SAMTOR: variants seen among roughly 807,000 people sequenced by gnomAD.
The protein encoded by SAMTOR is S-adenosylmethionine sensor upstream of mTORC1.
chr7:112,852,966 G>A, the SAMTOR span, among the ~76,000 whole-genome samples: 1 of 151,660 alleles, frequency 6.6e-6, no homozygotes, highest in Admixed American at 6.6e-5. Flanking sequence ...AAAGGACAAC[G>A]AACTAAAATG....
the SAMTOR span, among the ~76,000 whole-genome samples, chr7:112,913,659 G>C: frequency 1.3e-5 from 2 of 152,098 alleles, no homozygotes; most frequent in Non-Finnish European, 2.9e-5. Context: ...ACAAAATCTA[G>C]CTGTTCATTG....
At chr7:112,824,707 C>A in the SAMTOR span, among the ~76,000 whole-genome samples, 1 of 151,958 alleles carries the variant, frequency 6.6e-6, no homozygotes, top group Non-Finnish European at 1.5e-5. Context: ...GAAGTTTCTT[C>A]TTTTGTATAT....
At chr7:112,922,255 G>C in the SAMTOR span, among the ~76,000 whole-genome samples, 1 of 152,224 alleles carries the variant, frequency 6.6e-6, no homozygotes, top group Non-Finnish European at 1.5e-5. Flanking sequence ...CATTCACTCA[G>C]TGCTCAATGG....
the SAMTOR span, among the ~76,000 whole-genome samples, chr7:112,923,845 A>G: frequency 6.6e-6 from 1 of 152,190 alleles, no homozygotes; most frequent in Non-Finnish European, 1.5e-5. Context: ...CATATACACC[A>G]TGGAATACTA....
the SAMTOR span, among the ~76,000 whole-genome samples, chr7:112,842,596 T>C: frequency 6.6e-6 from 1 of 152,018 alleles, no homozygotes; most frequent in Admixed American, 6.6e-5. Context: ...AGTTTAACTT[T>C]TAAAGTAAAA....
the SAMTOR span, among the ~76,000 whole-genome samples, chr7:112,899,286 A>C: frequency 6.6e-6 from 1 of 152,132 alleles, no homozygotes; most frequent in African/African-American, 2.4e-5. Context: ...TGAAATATTC[A>C]ATTAATGAAC....
the SAMTOR span, among the ~76,000 whole-genome samples, chr7:112,902,416 C>CAAAAA: frequency 9.8e-3 from 120 of 12,228 alleles, 24 homozygotes; most frequent in South Asian, 0.028. Flanking sequence ...AACTCCGTCT[C>CAAAAA]AAAAAAAAAA....
the SAMTOR span, among the ~76,000 whole-genome samples, chr7:112,927,574 CT>C: frequency 2.0e-5 from 3 of 151,794 alleles, no homozygotes; most frequent in Non-Finnish European, 4.4e-5. Context: ...ATACATGTGT[CT>C]TAAAGTAAAA....
At chr7:112,864,766 CTTTT>C in the SAMTOR span, among the ~76,000 whole-genome samples, 1 of 152,082 alleles carries the variant, frequency 6.6e-6, no homozygotes, top group African/African-American at 2.4e-5. Context: ...ATATATTTTT[CTTTT>C]TTGAGACAGG....
the SAMTOR span, among the ~76,000 whole-genome samples, chr7:112,836,731 T>C: frequency 1.3e-5 from 2 of 152,114 alleles, no homozygotes; most frequent in Non-Finnish European, 2.9e-5. Context: ...ATTGCTTTTG[T>C]CAACTTTATC....
At chr7:112,923,419 T>C in the SAMTOR span, among the ~76,000 whole-genome samples, 6 of 152,068 alleles carry the variant, frequency 3.9e-5, no homozygotes, top group South Asian at 4.2e-4. Context: ...CCCTCCACTA[T>C]TGTCCTATGA....
the SAMTOR span, chr7:112,915,424 G>T: frequency 6.3e-7 from 1 of 1,598,918 alleles, no homozygotes; most frequent in Non-Finnish European, 8.5e-7. Context: ...CAGTGTTCTC[G>T]CCAGATCTTA....
chr7:112,875,355 A>C, the SAMTOR span, among the ~76,000 whole-genome samples: 1 of 152,126 alleles, frequency 6.6e-6, no homozygotes, highest in Admixed American at 6.5e-5. Flanking sequence ...GATAAAGCAG[A>C]AAATTTTTCT....
the SAMTOR span, among the ~76,000 whole-genome samples, chr7:112,872,484 C>T: frequency 2.0e-5 from 3 of 151,984 alleles, no homozygotes; most frequent in African/African-American, 7.2e-5. Flanking sequence ...TAATAAGAGC[C>T]ACCGATGACA....
chr7:112,851,651 A>G, the SAMTOR span, among the ~76,000 whole-genome samples: 1 of 152,172 alleles, frequency 6.6e-6, no homozygotes, highest in Non-Finnish European at 1.5e-5. Context: ...GAACAAAAAC[A>G]AACAGACAAA....
the SAMTOR span, among the ~76,000 whole-genome samples, chr7:112,849,362 GCT>G: frequency 1.3e-5 from 2 of 152,088 alleles, no homozygotes; most frequent in African/African-American, 4.8e-5. Context: ...AATCAACAGA[GCT>G]CTCTCTATCT....
the SAMTOR span, among the ~76,000 whole-genome samples, chr7:112,931,118 C>T: frequency 6.6e-6 from 1 of 152,160 alleles, no homozygotes; most frequent in Non-Finnish European, 1.5e-5. Context: ...ATTGGAATCA[C>T]CCAGAAGTTT....
chr7:112,914,324 T>A, the SAMTOR span, among the ~76,000 whole-genome samples: 2 of 150,114 alleles, frequency 1.3e-5, no homozygotes, highest in African/African-American at 4.9e-5. Flanking sequence ...AGGTTTGTTA[T>A]ATAGGTAAAT....
chr7:112,904,267 C>T, the SAMTOR span, among the ~76,000 whole-genome samples: 2 of 151,880 alleles, frequency 1.3e-5, no homozygotes, highest in South Asian at 2.1e-4. Flanking sequence ...GGAATAGTCA[C>T]AAAAATTACC....
Sources: gnomAD v4.1 joint callset for allele counts (sites outside exome capture counted in the v4.1 genomes callset) on GRCh38, gnomAD v4.1.1 for gene constraint, MANE v1.5 for transcripts, NCBI Gene and HGNC (gene_info 2026-07-23, HGNC 2026-07-21) for gene names.